Variants in RBM20 observed in about 807,000 individuals in gnomAD.
RBM20 encodes RNA-binding protein 20.
Under a neutral mutation model 110.1 loss-of-function variants are expected in RBM20, and 51 were observed. The observed-to-expected ratio is 0.46, with a 90% CI of 0.37 to 0.59. The LOEUF is 0.59. Ranked by LOEUF, RBM20 falls within the 20% of genes least tolerant of loss-of-function variation. The probability of loss-of-function intolerance (pLI) is 0.00; values close to 1 mark genes in which losing one functional copy is unlikely to be tolerated. For synonymous variants in RBM20, 589 were observed against 618.2 expected (o/e 0.95, Z 0.70); for missense variants, 1,512 against 1,574.9 (o/e 0.96, Z 0.68).
chr10:110,776,036 C>T (rs1844258099), intron 1 of RBM20, among the ~76,000 whole-genome samples: 1 of 152,168 alleles, frequency 6.6e-6, no homozygotes, highest in Non-Finnish European at 1.5e-5. Context: ...TGCCTGATAG[C>T]TCTAACAAAG....
intron 5 of RBM20, among the ~76,000 whole-genome samples, chr10:110,793,206 A>C (rs990324491): frequency 1.3e-5 from 2 of 152,200 alleles, no homozygotes; most frequent in African/African-American, 2.4e-5. Context: ...CTGGGGATTG[A>C]ACCCAGGCCC....
intron 1 of RBM20, among the ~76,000 whole-genome samples, chr10:110,760,607 A>G (rs1421008767): frequency 1.3e-5 from 2 of 149,630 alleles, no homozygotes; most frequent in Admixed American, 1.3e-4. Context: ...CGCACGGCTA[A>G]TTTTTGTATT....
chr10:110,835,940 A>C lies in RBM20; in HGVS notation c.3646A>C (p.Ser1216Arg), dbSNP rs1845121491. ...EGADSPRPEDSGIVPRFERKK... is the reference protein window; with the variant it reads ...EGADSPRPEDRGIVPRFERKK... ...GGCAGATAGCCCGAGGCCAGAGGAC[A>C]GCGGAATCGTGCCACGCTTCGAAAG... Residue 1216 changes from serine to arginine, a missense_variant, in exon 14 of 14, where the codon AGC (serine) becomes CGC (arginine). Coordinates refer to ENST00000369519, the MANE Select transcript of RBM20 (RefSeq NM_001134363.3). The C allele has an allele frequency of 7.0e-7, 1 of 1,426,158 alleles. No individual in the cohort carries two copies. The highest frequency in any genetic ancestry group is 1.4e-5 in the African/African-American group (1 of 70,036). The allele number at this position is 1,426,158 out of a possible 1,614,324, so 88.3% of individuals were successfully genotyped here. A position where few individuals can be genotyped will look rare whatever the true frequency, so the allele number is the denominator to read the frequency against.
At chr10:110,775,222 A>G (rs1232719602) in intron 1 of RBM20, among the ~76,000 whole-genome samples, 2 of 152,250 alleles carry the variant, frequency 1.3e-5, no homozygotes. Flanking sequence ...CCTGGTCATC[A>G]GCCCTCTCAC....
At chr10:110,661,532 A>G (rs1158177034) in intron 1 of RBM20, among the ~76,000 whole-genome samples, 1 of 152,188 alleles carries the variant, frequency 6.6e-6, no homozygotes, top group Admixed American at 6.5e-5. Flanking sequence ...CATCCTCCCA[A>G]TACTATTCGG....
chr10:110,656,380 C>G (rs1171061212), intron 1 of RBM20, among the ~76,000 whole-genome samples: 4 of 152,104 alleles, frequency 2.6e-5, no homozygotes, highest in Admixed American at 2.0e-4. Context: ...TTCTCCTTAT[C>G]CCCCTCACAT....
chr10:110,791,808 C>G (rs1327859803), intron 5 of RBM20, among the ~76,000 whole-genome samples: 1 of 152,122 alleles, frequency 6.6e-6, no homozygotes, highest in Non-Finnish European at 1.5e-5. Flanking sequence ...GGATGATTGT[C>G]CCTTTAGCTT....
At chr10:110,747,155 C>A (rs1177775409) in intron 1 of RBM20, among the ~76,000 whole-genome samples, 1 of 152,142 alleles carries the variant, frequency 6.6e-6, no homozygotes, top group Non-Finnish European at 1.5e-5. Flanking sequence ...TTTGCAACTT[C>A]TTGCAAGTCT....
rs138943036 is a variant in RBM20 at position 110,721,507 on chromosome 10, A to G, written c.192-59294A>G. On this transcript the variant is annotated intron_variant, in intron 1 of 13. Transcript: ENST00000369519. Reference sequence around the variant, plus strand: ...AGGGACGGGACTGGTGAGTGTGCGCATGTCTGTCCATGTTTGGGTCTGTCC... The same window carrying G: ...AGGGACGGGACTGGTGAGTGTGCGCGTGTCTGTCCATGTTTGGGTCTGTCC... Among the ~76,000 whole-genome samples the G allele has an allele frequency of 2.9e-3, 437 of 152,186 alleles. 6 individuals carry two copies. Among genetic ancestry groups the G allele is most frequent in the African/African-American group, 9.7e-3 (404 of 41,530 alleles).
At chr10:110,785,027 C>T (rs527499401) in intron 5 of RBM20, 138 bp downstream of exon 5, 7 of 616,622 alleles carry the variant, frequency 1.1e-5, no homozygotes, top group Non-Finnish European at 2.0e-5. Flanking sequence ...AACTCCTGGT[C>T]CCAAGTGATC....
At chr10:110,668,838 T>C (rs956053753) in intron 1 of RBM20, among the ~76,000 whole-genome samples, 1 of 152,118 alleles carries the variant, frequency 6.6e-6, no homozygotes, top group African/African-American at 2.4e-5. Context: ...AAGTTCTTTT[T>C]TGAACTTCTT....
chr10:110,767,776 C>A (rs1270255497), intron 1 of RBM20, among the ~76,000 whole-genome samples: 1 of 151,978 alleles, frequency 6.6e-6, no homozygotes, highest in Admixed American at 6.6e-5. Context: ...GGGATGGCAG[C>A]CGAGAAGAGG....
chr10:110,834,211 C>T (rs1057001943), intron 13 of RBM20, among the ~76,000 whole-genome samples: 1 of 152,200 alleles, frequency 6.6e-6, no homozygotes, highest in South Asian at 2.1e-4. Context: ...GGCGCTCATT[C>T]GCTTGCCTTC....
intron 1 of RBM20, among the ~76,000 whole-genome samples, chr10:110,766,046 C>T (rs1844077463): frequency 6.6e-6 from 1 of 152,150 alleles, no homozygotes; most frequent in Admixed American, 6.5e-5. Context: ...ACATGTCAAG[C>T]CTTGGCTGCC....
chr10:110,675,095 G>GAAA (rs1263247664), intron 1 of RBM20, among the ~76,000 whole-genome samples: 2 of 151,892 alleles, frequency 1.3e-5, no homozygotes, highest in Admixed American at 6.6e-5. Flanking sequence ...TCTGGAAGAA[G>GAAA]AACAATGGAT....
At chr10:110,813,278 G>T (rs1844798985) in intron 9 of RBM20, among the ~76,000 whole-genome samples, 1 of 152,190 alleles carries the variant, frequency 6.6e-6, no homozygotes, top group Non-Finnish European at 1.5e-5. Context: ...CATGGCACCT[G>T]TTGCCTTTAC....
chr10:110,754,041 T>A (rs1474687092), intron 1 of RBM20, among the ~76,000 whole-genome samples: 1 of 152,206 alleles, frequency 6.6e-6, no homozygotes, highest in Non-Finnish European at 1.5e-5. Context: ...CTGCAAAGTC[T>A]TTTTTGCCAT....
In RBM20 at chr10:110,691,606, A is replaced by G. The variant is rs532990346; in HGVS notation, c.191+46961A>G. Among the ~76,000 whole-genome samples, 6 of 152,178 alleles carry G rather than the reference A, an allele frequency of 3.9e-5. No homozygotes were observed. In the East Asian group the frequency reaches 1.2e-3, roughly 29 times the overall value. On this transcript the variant is annotated intron_variant, in intron 1 of 13. Transcript: ENST00000369519. The stretch of plus-strand genomic sequence containing the variant: ...AGAGAAATATCTGTTCAAGTCCTTT[A>G]CCTGTTTTTGAATTGAATTTTTTGT...
At chr10:110,779,841 C>A (rs1844314120) in intron 1 of RBM20, among the ~76,000 whole-genome samples, 1 of 152,176 alleles carries the variant, frequency 6.6e-6, no homozygotes, top group Non-Finnish European at 1.5e-5. Context: ...GAAGACAATT[C>A]ATGTTACTTT....
Sources: gnomAD v4.1 joint callset for allele counts (sites outside exome capture counted in the v4.1 genomes callset) on GRCh38, gnomAD v4.1.1 for gene constraint, MANE v1.5 for transcripts, NCBI Gene and HGNC (gene_info 2026-07-23, HGNC 2026-07-21) for gene names.